The following RBFOX1 variants were observed in gnomAD, a reference collection of about 807,000 sequenced individuals.
RBFOX1 encodes the protein RNA binding protein fox-1 homolog 1.
RBFOX1 carries 8 observed loss-of-function variants against 57.7 expected under a neutral mutation model. The observed-to-expected ratio is 0.14, with a 90% CI of 0.08 to 0.25. The LOEUF is 0.25. RBFOX1 is among the 10% of genes least tolerant of loss of function. The probability of loss-of-function intolerance (pLI) is 1.00; values close to 1 mark genes in which losing one functional copy is unlikely to be tolerated. For synonymous variants in RBFOX1, 326 were observed against 222.4 expected (o/e 1.47, Z -4.15); for missense variants, 611 against 548.5 (o/e 1.11, Z -1.14).
rs1365078642 is a variant in RBFOX1 at position 6,478,415 on chromosome 16, ATATATATATATATATTTT to A, written c.-64+161360_-64+161377del. On this transcript the variant is annotated intron_variant, in intron 2 of 15. Transcript: ENST00000550418. ...TATATATATATATATATATATATAT[ATATATATATATATATTTT>A]TTTTTTTTTTTTTTGTATTTTTAGT... Among the ~76,000 whole-genome samples, 28 of 22,200 alleles carry A rather than the reference ATATATATATATATATTTT, an allele frequency of 1.3e-3. 1 individual carries two copies. The highest frequency in any genetic ancestry group is 4.4e-3 in the East Asian group (6 of 1,354). 14.6% of individuals were successfully genotyped at this position (22,200 alleles called of 152,430 possible).
chr16:5,646,801 A>G (rs1227135526), intron 3 of RBFOX1, among the ~76,000 whole-genome samples: 1 of 151,502 alleles, frequency 6.6e-6, no homozygotes, highest in Non-Finnish European at 1.5e-5. Flanking sequence ...CGCTTGGCTA[A>G]TTTTTATATT....
chr16:7,266,624 A>G (rs995509158), intron 4 of RBFOX1, among the ~76,000 whole-genome samples: 2 of 152,160 alleles, frequency 1.3e-5, no homozygotes, highest in South Asian at 4.1e-4. Context: ...GCTTCCGCAT[A>G]TGAATTTGGA....
At chr16:6,634,646 TATA>T (rs1174730594) in intron 2 of RBFOX1, among the ~76,000 whole-genome samples, 2 of 129,208 alleles carry the variant, frequency 1.5e-5, no homozygotes, top group Non-Finnish European at 3.3e-5. Context: ...AATTACATTA[TATA>T]ATACAAATAT....
rs569048945 is a variant in RBFOX1, at chr16:7,030,861, G to A, written c.-15-21196G>A. ...CTCTAAACCACACATTTTTTCTTTT[G>A]TCTTAGGGGAGATAAGGATAGGGAA... is the stretch of plus-strand genomic sequence containing the variant. On this transcript the variant is annotated intron_variant, in intron 3 of 15. Coordinates refer to ENST00000550418, the MANE Select transcript of RBFOX1 (RefSeq NM_018723.4). Among the ~76,000 whole-genome samples the A allele has an allele frequency of 3.9e-5, 6 of 152,170 alleles. No individual in the cohort carries two copies. In the South Asian group the frequency reaches 1.2e-3, roughly 32 times the overall value.
chr16:6,723,422 A>G (rs1271029347), intron 3 of RBFOX1, among the ~76,000 whole-genome samples: 2 of 152,202 alleles, frequency 1.3e-5, no homozygotes, highest in Admixed American at 6.5e-5. Flanking sequence ...AGTTATCTCA[A>G]AGATACATTA....
At chr16:7,289,457 A>G (rs925836398) in intron 4 of RBFOX1, among the ~76,000 whole-genome samples, 25 of 151,220 alleles carry the variant, frequency 1.7e-4, no homozygotes, top group African/African-American at 5.6e-4. Flanking sequence ...ATCATCAGCA[A>G]GAGCATCACT....
At chr16:6,394,506 G>GC (rs1419740650) in intron 2 of RBFOX1, among the ~76,000 whole-genome samples, 1 of 113,200 alleles carries the variant, frequency 8.8e-6, no homozygotes, top group African/African-American at 3.2e-5. Flanking sequence ...TGGGAAAATT[G>GC]CTTTTTTTTT....
At chr16:6,490,327 A>C (rs1023050573) in intron 2 of RBFOX1, among the ~76,000 whole-genome samples, 1 of 152,252 alleles carries the variant, frequency 6.6e-6, no homozygotes, top group Non-Finnish European at 1.5e-5. Flanking sequence ...GAGAGCGTCA[A>C]TGAACTTCAG....
In RBFOX1 at chr16:6,384,872, A is replaced by G. The variant is rs7201938; in HGVS notation, c.-64+67815A>G. Among the ~76,000 whole-genome samples the G allele has an allele frequency of 5.1e-3, 778 of 152,250 alleles. 4 individuals carry two copies. Among genetic ancestry groups the G allele is most frequent in the Non-Finnish European group, 8.8e-3 (597 of 68,010 alleles). On this transcript the variant is annotated intron_variant, in intron 2 of 15. Transcript: ENST00000550418. ...GAGGTTTCTTTTCTAACTAACGTGTATCCTTCCCTTAGAACTAGTCTGCAG... is the reference window on the plus strand; with the variant it reads ...GAGGTTTCTTTTCTAACTAACGTGTGTCCTTCCCTTAGAACTAGTCTGCAG...
At chr16:7,001,337 C>G (rs1279766201) in intron 3 of RBFOX1, among the ~76,000 whole-genome samples, 1 of 150,340 alleles carries the variant, frequency 6.7e-6, no homozygotes, top group African/African-American at 2.5e-5. Flanking sequence ...CTACCCTGGC[C>G]CTGACTCTGT....
At chr16:7,074,803 A>G (rs2058008438) in intron 4 of RBFOX1, among the ~76,000 whole-genome samples, 1 of 152,206 alleles carries the variant, frequency 6.6e-6, no homozygotes, top group Non-Finnish European at 1.5e-5. Context: ...CCAAAGATAA[A>G]CAGATGCATT....
chr16:5,706,737 G>T (rs4488446), intron 3 of RBFOX1, among the ~76,000 whole-genome samples: 1 of 151,944 alleles, frequency 6.6e-6, no homozygotes, highest in South Asian at 2.1e-4. Context: ...TTCCTACGAT[G>T]GTTGATGGTT....
intron 12 of RBFOX1, among the ~76,000 whole-genome samples, chr16:7,658,616 A>G (rs1324040989): frequency 6.6e-6 from 1 of 152,160 alleles, no homozygotes; most frequent in Non-Finnish European, 1.5e-5. Context: ...CTTTGATGTT[A>G]GAAAACAGCA....
chr16:7,140,002 C>G (rs1310094075), intron 4 of RBFOX1, among the ~76,000 whole-genome samples: 1 of 151,904 alleles, frequency 6.6e-6, no homozygotes, highest in Non-Finnish European at 1.5e-5. Flanking sequence ...GCAGTGGATC[C>G]CAGGACACCT....
At chr16:6,575,968 G>A (rs958747202) in intron 2 of RBFOX1, among the ~76,000 whole-genome samples, 1 of 151,964 alleles carries the variant, frequency 6.6e-6, no homozygotes, top group African/African-American at 2.4e-5. Context: ...TAGGCATGGT[G>A]CGTTACATCA....
intron 3 of RBFOX1, among the ~76,000 whole-genome samples, chr16:6,868,251 C>T (rs1238293039): frequency 1.3e-5 from 2 of 152,026 alleles, no homozygotes; most frequent in South Asian, 2.1e-4. Context: ...TGGTCTGCAG[C>T]AGTGGACACA....
At chr16:6,309,689 C>G (rs1417690936) in intron 1 of RBFOX1, among the ~76,000 whole-genome samples, 1 of 151,982 alleles carries the variant, frequency 6.6e-6, no homozygotes, top group Non-Finnish European at 1.5e-5. Context: ...TTGTTAGTCT[C>G]TCGGAGGTCC....
At chr16:6,297,588 T>C (rs1413168666) in intron 1 of RBFOX1, among the ~76,000 whole-genome samples, 1 of 152,140 alleles carries the variant, frequency 6.6e-6, no homozygotes, top group African/African-American at 2.4e-5. Context: ...GGGCAGTTCC[T>C]TGGCAAAGGC....
chr16:5,283,020 G>A (rs1429680041), intron 1 of RBFOX1, among the ~76,000 whole-genome samples: 1 of 152,178 alleles, frequency 6.6e-6, no homozygotes, highest in Non-Finnish European at 1.5e-5. Context: ...ACTGTGAGCA[G>A]CCTAGGGTGC....
Sources: gnomAD v4.1 joint callset for allele counts (sites outside exome capture counted in the v4.1 genomes callset) on GRCh38, gnomAD v4.1.1 for gene constraint, MANE v1.5 for transcripts, NCBI Gene and HGNC (gene_info 2026-07-23, HGNC 2026-07-21) for gene names.